Variants in CORO2B observed in about 807,000 individuals in gnomAD.
CORO2B encodes coronin 2B.
CORO2B carries 26 observed loss-of-function variants against 58.8 expected under a neutral mutation model. The ratio of observed to expected loss-of-function variants is 0.44; its 90% CI spans 0.32 to 0.61. The LOEUF is 0.61. CORO2B is among the 20% of genes least tolerant of loss of function. The pLI, the probability that CORO2B is intolerant of heterozygous loss-of-function variation, is 0.04. For missense variants in CORO2B, 460 were observed against 645.1 expected, an observed-to-expected ratio of 0.71 and a Z score of 3.11; for synonymous variants, 242 against 253.8, an observed-to-expected ratio of 0.95 and a Z score of 0.44.
intron 1 of CORO2B, among the ~76,000 whole-genome samples, chr15:68,589,641 C>T (rs895193225): frequency 1.3e-5 from 2 of 152,218 alleles, no homozygotes; most frequent in African/African-American, 4.8e-5. Flanking sequence ...TTGGGTTTTC[C>T]AATTCTGTGG....
chr15:68,601,106 G>T (rs1480260018), intron 1 of CORO2B, among the ~76,000 whole-genome samples: 1 of 152,212 alleles, frequency 6.6e-6, no homozygotes, highest in African/African-American at 2.4e-5. Context: ...GTGGGTGTGT[G>T]AATGGTTGAC....
chr15:68,681,740 G>T (rs1336140835), intron 2 of CORO2B, among the ~76,000 whole-genome samples: 1 of 152,118 alleles, frequency 6.6e-6, no homozygotes, highest in Non-Finnish European at 1.5e-5. Flanking sequence ...ACTAAGTCAG[G>T]ATTCCTGCTG....
chr15:68,655,202 A>G (rs1901767825), intron 2 of CORO2B, among the ~76,000 whole-genome samples: 1 of 152,228 alleles, frequency 6.6e-6, no homozygotes, highest in South Asian at 2.1e-4. Flanking sequence ...TGCTCAACAA[A>G]TCTGAGCTAT....
chr15:68,651,227 G>A (rs556829244), intron 2 of CORO2B, among the ~76,000 whole-genome samples: 1 of 152,342 alleles, frequency 6.6e-6, no homozygotes, highest in South Asian at 2.1e-4. Flanking sequence ...GCCAGCGCCG[G>A]CTTCCCCTGC....
At chr15:68,619,447 A>G (rs1900454692) in intron 1 of CORO2B, among the ~76,000 whole-genome samples, 2 of 152,180 alleles carry the variant, frequency 1.3e-5, no homozygotes, top group Admixed American at 1.3e-4. Context: ...AGAGGGCTGG[A>G]CTGTCTTATC....
chr15:68,668,379 A>G (rs1023207471), intron 2 of CORO2B, among the ~76,000 whole-genome samples: 11 of 151,738 alleles, frequency 7.2e-5, no homozygotes, highest in Non-Finnish European at 1.6e-4. Context: ...TCAGGAGACA[A>G]ACAATGAACA....
intron 2 of CORO2B, among the ~76,000 whole-genome samples, chr15:68,691,315 G>A (rs1461335440): frequency 1.9e-5 from 2 of 105,522 alleles, no homozygotes; most frequent in African/African-American, 3.8e-5. Context: ...GGGAGACAGC[G>A]AGACTCCGTC....
rs932178637 is a variant in CORO2B, at chr15:68,727,546, T to C, written c.*1572T>C. On this transcript the variant is annotated 3_prime_UTR_variant, in exon 12 of 12. Transcript: ENST00000261861. ...TTTCCCATGGCCGCCCTACGGAAAA[T>C]CCCATCCACAGAGGCCAGGGCTACC... 1 of 152,124 alleles carries C rather than the reference T, an allele frequency of 6.6e-6. No individual in the cohort carries two copies. Among genetic ancestry groups the C allele is most frequent in the Admixed American group, 6.6e-5 (1 of 15,214 alleles). 9.4% of individuals were successfully genotyped at this position (152,124 alleles called of 1,614,324 possible).
At chr15:68,576,147 C>A, upstream of CORO2B, among the ~76,000 whole-genome samples, 1 of 35,686 alleles carries the variant, frequency 2.8e-5, no homozygotes, top group African/African-American at 1.5e-4. Context: ...AGTGAGACTA[C>A]GTCGCAAAAA....
intron 2 of CORO2B, among the ~76,000 whole-genome samples, chr15:68,684,542 C>T (rs980116425): frequency 3.3e-5 from 5 of 152,286 alleles, no homozygotes; most frequent in Middle Eastern, 3.4e-3. Flanking sequence ...GTGTATGTTG[C>T]GGACAGTCAC....
intron 3 of CORO2B, among the ~76,000 whole-genome samples, chr15:68,695,955 C>T (rs1345193888): frequency 6.6e-6 from 1 of 151,866 alleles, no homozygotes. Context: ...GGGTAAGTGG[C>T]TTGGGCACAG....
intron 1 of CORO2B, among the ~76,000 whole-genome samples, chr15:68,630,191 A>G (rs1343487799): frequency 6.6e-6 from 1 of 152,114 alleles, no homozygotes; most frequent in African/African-American, 2.4e-5. Flanking sequence ...AGAGGGAAAA[A>G]ATCTCCTTTC....
chr15:68,544,938 G>A, the CORO2B span, among the ~76,000 whole-genome samples: 2 of 152,072 alleles, frequency 1.3e-5, no homozygotes, highest in Non-Finnish European at 2.9e-5. Context: ...CATCATGCCC[G>A]GCTAATTTTT....
intron 2 of CORO2B, among the ~76,000 whole-genome samples, chr15:68,684,477 G>A (rs1902896189): frequency 6.6e-6 from 1 of 152,250 alleles, no homozygotes; most frequent in African/African-American, 2.4e-5. Flanking sequence ...AGAGGAGCTT[G>A]TATGGCACGT....
In CORO2B at chr15:68,713,933, C is replaced by T. The variant is rs1170334626; in HGVS notation, c.657C>T (p.Asn219=). Residue 219 remains asparagine (N), a synonymous_variant, in exon 6 of 12, where the codon AAC becomes AAT. Transcript: ENST00000261861. ...PRSGRVLQEA[N]CKNHRVNRVV... is the part of the protein sequence containing the mutation. ...CCCTCTGTTCCTACTAGGAGGCCAA[C>T]TGCAAAAACCACAGAGTGAACCGGG... The T allele has an allele frequency of 6.2e-7, 1 of 1,613,754 alleles. No individual in the cohort carries two copies. The highest frequency in any genetic ancestry group is 8.5e-7 in the Non-Finnish European group (1 of 1,179,828).
At chr15:68,567,920 TG>T in the CORO2B span, among the ~76,000 whole-genome samples, 3 of 152,186 alleles carry the variant, frequency 2.0e-5, no homozygotes. Context: ...CTTGGGAGCC[TG>T]AGGCAGAGTA....
chr15:68,530,878 C>T, the CORO2B span, among the ~76,000 whole-genome samples: 2 of 152,094 alleles, frequency 1.3e-5, no homozygotes, highest in Admixed American at 6.5e-5. Context: ...TTATAGATAG[C>T]ATATAGTTGA....
chr15:68,725,444 GTAT>G (rs935038270), intron 11 of CORO2B, among the ~76,000 whole-genome samples: 3 of 151,504 alleles, frequency 2.0e-5, no homozygotes, highest in Admixed American at 1.3e-4. Flanking sequence ...CATCTATTAT[GTAT>G]TATTATACAT....
intron 1 of CORO2B, among the ~76,000 whole-genome samples, chr15:68,621,701 A>G (rs770273371): frequency 1.3e-5 from 2 of 151,886 alleles, no homozygotes; most frequent in Non-Finnish European, 2.9e-5. Flanking sequence ...TTGGGATAAT[A>G]CAGACCTGGG....
Sources: gnomAD v4.1 joint callset for allele counts (sites outside exome capture counted in the v4.1 genomes callset) on GRCh38, gnomAD v4.1.1 for gene constraint, MANE v1.5 for transcripts, NCBI Gene and HGNC (gene_info 2026-07-23, HGNC 2026-07-21) for gene names.